The following RDH5 variants were observed in gnomAD, a reference collection of about 807,000 sequenced individuals.
RDH5 encodes the protein retinol dehydrogenase 5.
A neutral mutation model predicts 24.0 loss-of-function variants in RDH5; 25 were observed. That is an observed-to-expected ratio of 1.04 (90% CI 0.76 to 1.46). RDH5 has a LOEUF of 1.46. RDH5 is among the 40% of genes most tolerant of loss of function. The pLI, the probability that RDH5 is intolerant of heterozygous loss-of-function variation, is 0.00. For missense variants in RDH5, 369 were observed against 410.3 expected (o/e 0.90, Z 0.87); for synonymous variants, 170 against 175.2 (o/e 0.97, Z 0.23).
chr12:55,721,701 T>G lies in RDH5; in HGVS notation c.323T>G (p.Leu108Arg), dbSNP rs753383717. 6.2e-7 allele frequency: 1 copy of G among 1,611,850 alleles called. No individual in the cohort carries two copies. Among genetic ancestry groups the G allele is most frequent in the South Asian group, 1.1e-5 (1 of 91,078 alleles). Residue 108 changes from leucine (L) to arginine (R), a missense_variant, in exon 3 of 5, where the codon CTG (leucine) becomes CGG (arginine). Leu to Arg is a moderately radical substitution (Grantham distance 102). Coordinates refer to ENST00000257895, the MANE Select transcript of RDH5 (RefSeq NM_002905.5). This position sits in a 1 kb window ranked among gnomAD's most constrained non-coding sequence, Gnocchi z 4.7. ...MHVKEAGLFG[L>R]VNNAGVAGII... ...CATCTCCCCACAGGGCTTTTTGGTC[T>G]GGTGAATAATGCTGGTGTGGCTGGT... is the stretch of plus-strand genomic sequence containing the variant.
Position 55,721,566 on chromosome 12 carries a change from G to T in RDH5, c.310+72G>T. The T allele has an allele frequency of 6.3e-7, 1 of 1,595,316 alleles. No individual in the cohort carries two copies. The highest frequency in any genetic ancestry group is 8.5e-7 in the Non-Finnish European group (1 of 1,175,244). ...CCCACAGTCACCCCAGGAGTCACCT[G>T]CAAGGGCTGTGGTAAGCTAAAGGGA... On this transcript the variant is annotated intron_variant, in intron 2 of 4. Coordinates refer to ENST00000257895, the MANE Select transcript of RDH5 (RefSeq NM_002905.5). This position sits in a 1 kb window ranked among gnomAD's most constrained non-coding sequence, Gnocchi z 4.7.
Position 55,721,522 on chromosome 12 carries a change from G to A in RDH5, c.310+28G>A, listed in dbSNP as rs758950469. The A allele has an allele frequency of 2.0e-5, 32 of 1,601,104 alleles. No individual in the cohort carries two copies. In the East Asian group the frequency reaches 7.1e-4, roughly 36 times the overall value. ...AAGTATGGTAGACCACCAGGAATATGGTGTGGGGTGTCCTGATCCCCACAG... is the reference window on the plus strand; with the variant it reads ...AAGTATGGTAGACCACCAGGAATATAGTGTGGGGTGTCCTGATCCCCACAG... On this transcript the variant is annotated intron_variant, in intron 2 of 4. Transcript: ENST00000257895. The surrounding 1 kb of genome is among the most constrained non-coding windows in gnomAD (Gnocchi z 4.7).
Position 55,724,315 on chromosome 12 carries a change from G to C in RDH5, c.734-7G>C, listed in dbSNP as rs766159716. ...GAAACTGATTGCAACCACCTATGGG[G>C]CTGCAGACCTGAAAATGCAACAGCG... On this transcript the variant is annotated splice_polypyrimidine_tract_variant and splice_region_variant and intron_variant, in intron 4 of 4. Transcript: ENST00000257895. The C allele has an allele frequency of 6.2e-7, 1 of 1,614,134 alleles. No homozygotes were observed. The highest frequency in any genetic ancestry group is 1.1e-5 in the South Asian group (1 of 91,082).
At chr12:55,722,543 G>GT (rs553815095) in intron 3 of RDH5, 2,219 of 136,318 alleles carry the variant, frequency 0.016, 44 homozygotes, top group African/African-American at 0.047. Context: ...GTTTTTTTTT[G>GT]TTTTTTTTTT....
At chr12:55,723,864 C>T (rs57751631) in intron 3 of RDH5, 22 bp from the exon 4 acceptor site, 1 of 1,612,186 alleles carries the variant, frequency 6.2e-7, no homozygotes, top group Non-Finnish European at 8.5e-7. Flanking sequence ...AACCCAGCAA[C>T]TTCGCTCTGC....
At chr12:55,723,002 C>G (rs1422055924) in intron 3 of RDH5, 3 of 152,208 alleles carry the variant, frequency 2.0e-5, no homozygotes, top group African/African-American at 7.2e-5. Context: ...AGTTTTGAGA[C>G]AAGGCCTTGC....
chr12:55,723,775 A>G lies in RDH5; in HGVS notation c.570-111A>G, dbSNP rs979175345. On this transcript the variant is annotated intron_variant, in intron 3 of 4. Coordinates refer to ENST00000257895, the MANE Select transcript of RDH5 (RefSeq NM_002905.5). ...CCCGGGGCAGTAGGCATCTCCGTCA[A>G]AACTCTTGTCCCTGGTCTGTGGTAA... 2.3e-6 allele frequency: 3 copies of G among 1,295,288 alleles called. No homozygotes were observed. The African/African-American group carries it at 4.4e-5, about 19-fold the overall frequency. The allele number at this position is 1,295,288 out of a possible 1,614,324, so 80.2% of individuals were successfully genotyped here. A position where few individuals can be genotyped will look rare whatever the true frequency, so the allele number is the denominator to read the frequency against.
In RDH5 at chr12:55,721,432, T is replaced by A; in HGVS notation, c.248T>A (p.Ile83Asn). The A allele has an allele frequency of 6.2e-7, 1 of 1,613,488 alleles. No homozygotes were observed. The highest frequency in any genetic ancestry group is 8.5e-7 in the Non-Finnish European group (1 of 1,180,008). ...SSRLHTTLLD[I>N]TDPQSVQQAA... Reference sequence around the variant, plus strand: ...CGCCTCCACACCACCCTGTTGGATATCACTGATCCCCAGAGCGTCCAGCAG... The same window carrying A: ...CGCCTCCACACCACCCTGTTGGATAACACTGATCCCCAGAGCGTCCAGCAG... Residue 83 changes from isoleucine to asparagine, a missense_variant, in exon 2 of 5, where the codon ATC becomes AAC. Coordinates refer to ENST00000257895, the MANE Select transcript of RDH5 (RefSeq NM_002905.5). This position sits in a 1 kb window ranked among gnomAD's most constrained non-coding sequence, Gnocchi z 4.7.
At chr12:55,722,569 CTT>C (rs772300415) in intron 3 of RDH5, 6 of 149,158 alleles carry the variant, frequency 4.0e-5, no homozygotes, top group Non-Finnish European at 8.9e-5. Context: ...GCGTTTTGCT[CTT>C]GTTGCCTAGG....
chr12:55,724,483 G>C lies in RDH5; in HGVS notation c.895G>C (p.Ala299Pro). 2 of 1,613,790 alleles carry C rather than the reference G, an allele frequency of 1.2e-6. No individual in the cohort carries two copies. Among genetic ancestry groups the C allele is most frequent in the Non-Finnish European group, 1.7e-6 (2 of 1,180,032 alleles). Reference protein sequence around the residue: ...LLWLPASYLPASLVDAVLTWV... With the variant: ...LLWLPASYLPPSLVDAVLTWV... ...CTGGCTGCCTGCCTCCTACCTGCCA[G>C]CCAGCCTGGTGGATGCTGTGCTCAC... is the stretch of plus-strand genomic sequence containing the variant. Residue 299 changes from alanine to proline, a missense_variant, in exon 5 of 5, where the codon GCC becomes CCC. By Grantham distance (27) the Ala-to-Pro change is conservative. Transcript: ENST00000257895.
At chr12:55,724,300 G>T (rs1260934408) in intron 4 of RDH5, 22 bp from the exon 5 acceptor site, 1 of 1,613,608 alleles carries the variant, frequency 6.2e-7, no homozygotes, top group South Asian at 1.1e-5. Flanking sequence ...GAAACTGATT[G>T]CAACCACCTA....
At position 55,724,614 on chromosome 12, in the gene RDH5, G is replaced by A; in HGVS notation, c.*69G>A. 7.4e-7 allele frequency: 1 copy of A among 1,345,240 alleles called. No individual in the cohort carries two copies. Among genetic ancestry groups the A allele is most frequent in the South Asian group, 1.2e-5 (1 of 84,606 alleles). The allele number at this position is 1,345,240 out of a possible 1,614,324, so 83.3% of individuals were successfully genotyped here. A position where few individuals can be genotyped will look rare whatever the true frequency, so the allele number is the denominator to read the frequency against. ...TTGATTTATTTCTGCCCCCACCCTG[G>A]TACTGCCTGGTGCCTGCCACAAAAT... On this transcript the variant is annotated 3_prime_UTR_variant, in exon 5 of 5. Transcript: ENST00000257895.
rs1313723934 is a variant in RDH5 at position 55,724,399 on chromosome 12, G to A, written c.811G>A (p.Ala271Thr). The change falls in exon 5 of 5, where the codon GCC (alanine) becomes ACC (threonine). Residue 271 changes from alanine to threonine, a missense_variant. Coordinates refer to ENST00000257895, the MANE Select transcript of RDH5 (RefSeq NM_002905.5). ...CAAGGTGAGCCGATGCCTGGAGCAT[G>A]CCCTGACTGCTCGACACCCCCGAAC... ...LTKVSRCLEH[A>T]LTARHPRTRY... is the part of the protein sequence containing the mutation. The A allele has an allele frequency of 1.9e-6, 3 of 1,614,098 alleles. No individual in the cohort carries two copies. Among genetic ancestry groups the A allele is most frequent in the Non-Finnish European group, 2.5e-6 (3 of 1,180,036 alleles).
At chr12:55,722,943 T>C (rs2136140843) in intron 3 of RDH5, 1 of 152,366 alleles carries the variant, frequency 6.6e-6, no homozygotes, top group East Asian at 1.9e-4. Context: ...GAATGTCTCC[T>C]GTCTCTCAGC....
intron 3 of RDH5, 94 bp from the exon 4 acceptor site, chr12:55,723,792 C>A: frequency 7.0e-7 from 1 of 1,426,424 alleles, no homozygotes; most frequent in Non-Finnish European, 9.8e-7. Context: ...TGTCCCTGGT[C>A]TGTGGTAACT....
chr12:55,723,636 C>G (rs899187655), intron 3 of RDH5: 26 of 515,458 alleles, frequency 5.0e-5, no homozygotes, highest in African/African-American at 5.0e-4. Context: ...GCCTGCCATG[C>G]TTAAAATATT....
intron 4 of RDH5, 98 bp from the exon 5 acceptor site, chr12:55,724,224 G>A (rs572247598): frequency 6.7e-7 from 1 of 1,481,902 alleles, no homozygotes; most frequent in Admixed American, 1.8e-5. Flanking sequence ...CACTGAGGAG[G>A]GGACTGAGGG....
chr12:55,721,221 G>A lies in RDH5; in HGVS notation c.37G>A (p.Ala13Thr). 1.2e-6 allele frequency: 2 copies of A among 1,614,056 alleles called. No homozygotes were observed. The highest frequency in any genetic ancestry group is 8.5e-7 in the Non-Finnish European group (1 of 1,180,042). The change falls in exon 2 of 5, where the codon GCA becomes ACA. Residue 13 changes from alanine (A) to threonine (T), a missense_variant. Coordinates refer to ENST00000257895, the MANE Select transcript of RDH5 (RefSeq NM_002905.5). This position sits in a 1 kb window ranked among gnomAD's most constrained non-coding sequence, Gnocchi z 4.7. ...TCTTCTGCTGGGTGCCTTACTCTGGGCAGTGCTGTGGTTGCTCAGGGACCG... is the reference window on the plus strand; with the variant it reads ...TCTTCTGCTGGGTGCCTTACTCTGGACAGTGCTGTGGTTGCTCAGGGACCG... ...LPLLLGALLW[A>T]VLWLLRDRQS...
At chr12:55,723,728 C>T (rs1565655443) in intron 3 of RDH5, 158 bp from the exon 4 acceptor site, 2 of 793,436 alleles carry the variant, frequency 2.5e-6, no homozygotes, top group South Asian at 3.0e-5. Context: ...ACTTTCCTCC[C>T]TCTACCCCAC....
Sources: gnomAD v4.1 joint callset for allele counts on GRCh38, gnomAD v4.1.1 for gene constraint, Gnocchi (gnomAD v3.1) non-coding constraint, MANE v1.5 for transcripts, NCBI Gene and HGNC (gene_info 2026-07-23, HGNC 2026-07-21) for gene names.